The following TAOK2 variants were observed in gnomAD, a reference collection of about 807,000 sequenced individuals.
TAOK2 encodes serine/threonine-protein kinase TAO2.
In TAOK2, 42 loss-of-function variants were observed where a neutral mutation model predicts 122.5. The ratio of observed to expected loss-of-function variants is 0.34; its 90% CI spans 0.27 to 0.44. The LOEUF (loss-of-function observed/expected upper bound fraction) is 0.44, where lower values mean the gene tolerates loss of function less well. Ranked by LOEUF, TAOK2 falls within the 20% of genes least tolerant of loss-of-function variation. The pLI is 1.00. For missense variants in TAOK2, 1,264 were observed against 1,644.9 expected, an observed-to-expected ratio of 0.77 and a Z score of 4.01; for synonymous variants, 704 against 677.6, an observed-to-expected ratio of 1.04 and a Z score of -0.61.
At chr16:29,990,194 C>G, downstream of TAOK2, 1 of 211,602 alleles carries the variant, frequency 4.7e-6, no homozygotes, top group South Asian at 8.1e-5. Context: ...AAAAAATGAT[C>G]ACACCTAACA....
chr16:29,975,473 A>G (rs903133756), intron 1 of TAOK2, among the ~76,000 whole-genome samples: 1 of 152,170 alleles, frequency 6.6e-6, no homozygotes, highest in East Asian at 1.9e-4. Flanking sequence ...GGGCTCGGCC[A>G]GGGGTCCCTA....
Position 29,987,653 on chromosome 16 carries a change from G to T in TAOK2, c.3381G>T (p.Leu1127=). Residue 1127 remains leucine (L), a synonymous_variant, in exon 16 of 16, where the codon CTG becomes CTT. Coordinates refer to ENST00000308893, the MANE Select transcript of TAOK2 (RefSeq NM_016151.4). ...KTNKDGFRSR[L]PVPGPRRRNP... ...ACAAGGATGGCTTCCGCAGCCGCCT[G>T]CCCGTCCCTGGGCCCCGGCGGCGTA... is the stretch of plus-strand genomic sequence containing the variant. 6.2e-7 allele frequency: 1 copy of T among 1,613,698 alleles called. No homozygotes were observed. Among genetic ancestry groups the T allele is most frequent in the Non-Finnish European group, 8.5e-7 (1 of 1,179,734 alleles).
At position 29,979,588 on chromosome 16, in the gene TAOK2, C is replaced by G. The variant is rs1409042931; in HGVS notation, c.655+80C>G. 1 of 1,185,524 alleles carries G rather than the reference C, an allele frequency of 8.4e-7. No homozygotes were observed. The highest frequency in any genetic ancestry group is 1.2e-6 in the Non-Finnish European group (1 of 867,430). The allele number at this position is 1,185,524 out of a possible 1,614,324, so 73.4% of individuals were successfully genotyped here. The stretch of plus-strand genomic sequence containing the variant: ...CCCAGACTCCGGACTACCCCCTTCT[C>G]CTAGGGATGGGATCCCAGGCCTCCA... On this transcript the variant is annotated intron_variant, in intron 8 of 15. Transcript: ENST00000308893. The surrounding 1 kb of genome is among the most constrained non-coding windows in gnomAD (Gnocchi z 4.1).
Position 29,983,605 on chromosome 16 carries a change from C to T in TAOK2, c.1363C>T (p.Arg455Cys), listed in dbSNP as rs771174306. 16 of 1,613,672 alleles carry T rather than the reference C, an allele frequency of 9.9e-6. No individual in the cohort carries two copies. Among genetic ancestry groups the T allele is most frequent in the African/African-American group, 4.0e-5 (3 of 74,928 alleles). Residue 455 changes from arginine to cysteine, a missense_variant, in exon 13 of 16, where the codon CGC (arginine) becomes TGC (cysteine). By Grantham distance (180) the Arg-to-Cys change is radical. Transcript: ENST00000308893. Reference sequence around the variant, plus strand: ...TCCCACTTCCACCACCTCTTCCGCCCGCCGCCGGGCCTACTGCCGTAACCG... The same window carrying T: ...TCCCACTTCCACCACCTCTTCCGCCTGCCGCCGGGCCTACTGCCGTAACCG... ...PAPTSTTSSARRRAYCRNRDH... is the reference protein window; with the variant it reads ...PAPTSTTSSACRRAYCRNRDH...
chr16:29,982,802 C>T lies in TAOK2; in HGVS notation c.900C>T (p.Ala300=), dbSNP rs145019528. 4.3e-5 allele frequency: 70 copies of T among 1,613,984 alleles called. No individual in the cohort carries two copies. Among genetic ancestry groups the T allele is most frequent in the African/African-American group, 3.9e-4 (29 of 74,984 alleles). The change falls in exon 11 of 16, where the codon GCC becomes GCT. Residue 300 remains alanine (A), a synonymous_variant. Transcript: ENST00000308893. ...ACCTGATCCAGAGGACCAAGGATGC[C>T]GTGCGGGAGCTGGACAACCTGCAGT... The part of the protein sequence containing the change: ...IMDLIQRTKD[A]VRELDNLQYR...
chr16:29,989,380 T>C, downstream of TAOK2: 2 of 985,036 alleles, frequency 2.0e-6, no homozygotes, highest in Non-Finnish European at 2.4e-6. Context: ...CGATCCCACC[T>C]CTCCATGTCT....
chr16:29,988,447 C>G, downstream of TAOK2: 4 of 1,258,030 alleles, frequency 3.2e-6, no homozygotes, highest in Non-Finnish European at 4.1e-6. Flanking sequence ...GCCTAGCCTC[C>G]CCGGTATGCC....
At position 29,985,324 on chromosome 16, in the gene TAOK2, C is replaced by T. The variant is rs1246992068; in HGVS notation, c.1534C>T (p.Arg512Trp). 5 of 1,610,350 alleles carry T rather than the reference C, an allele frequency of 3.1e-6. No individual in the cohort carries two copies. The highest frequency in any genetic ancestry group is 4.2e-6 in the Non-Finnish European group (5 of 1,177,700). The change falls in exon 14 of 16, where the codon CGG (arginine) becomes TGG (tryptophan). Residue 512 changes from arginine (R) to tryptophan (W), a missense_variant. By Grantham distance (101) the Arg-to-Trp change is moderately radical. This residue lies in a region of TAOK2 where 64 missense variants were observed against 115.7 expected (regional missense o/e 0.55). Coordinates refer to ENST00000308893, the MANE Select transcript of TAOK2 (RefSeq NM_016151.4). The surrounding 1 kb of genome is among the most constrained non-coding windows in gnomAD (Gnocchi z 6.9). Reference protein sequence around the residue: ...HQKQLLALESRLRGEREEHSA... With the variant: ...HQKQLLALESWLRGEREEHSA... ...GAAGCAGCTGCTGGCCCTGGAGTCACGGCTGAGGGGTGAACGGGAGGAGCA... is the reference window on the plus strand; with the variant it reads ...GAAGCAGCTGCTGGCCCTGGAGTCATGGCTGAGGGGTGAACGGGAGGAGCA...
chr16:29,989,480 C>T (rs971376592), downstream of TAOK2: 37 of 1,537,336 alleles, frequency 2.4e-5, no homozygotes, highest in Non-Finnish European at 2.8e-5. Context: ...GTCTCCTCTC[C>T]TCTTCTCTCT....
At chr16:29,977,982 A>G (rs572060094) in intron 2 of TAOK2, 78 bp downstream of exon 2, 2 of 1,612,148 alleles carry the variant, frequency 1.2e-6, no homozygotes, top group Admixed American at 1.7e-5. Context: ...GCCCTTGCAC[A>G]CTACTCCATC....
At chr16:29,989,205 C>T (rs2150909281), downstream of TAOK2, 1 of 985,322 alleles carries the variant, frequency 1.0e-6, no homozygotes, top group South Asian at 4.7e-5. Flanking sequence ...GTCACAGTCT[C>T]TCCCTCTTTG....
downstream of TAOK2, chr16:29,991,477 G>C (rs557683834): frequency 2.0e-6 from 3 of 1,486,042 alleles, no homozygotes; most frequent in Non-Finnish European, 2.7e-6. This position sits in a 1 kb window ranked among gnomAD's most constrained non-coding sequence, Gnocchi z 5.6. Flanking sequence ...GAGAATGTGG[G>C]CCCCCCTGCT....
intron 1 of TAOK2, among the ~76,000 whole-genome samples, chr16:29,976,370 G>T (rs772526459): frequency 6.6e-6 from 1 of 152,208 alleles, no homozygotes; most frequent in Non-Finnish European, 1.5e-5. Context: ...CACCCTGGGG[G>T]CCCACTGGAG....
chr16:29,987,788 G>A lies in TAOK2; in HGVS notation c.3516G>A (p.Leu1172=). Residue 1172 remains leucine (L), a synonymous_variant, in exon 16 of 16, where the codon TTG becomes TTA. Transcript: ENST00000308893. ...ARASQGLASH[L]PPWAIHTLAS... The stretch of plus-strand genomic sequence containing the variant: ...CCAGCCAGGGTTTAGCATCCCACTT[G>A]CCCCCGTGGGCCATCCACACACTGG... 1.2e-6 allele frequency: 2 copies of A among 1,613,830 alleles called. No individual in the cohort carries two copies. The highest frequency in any genetic ancestry group is 1.7e-6 in the Non-Finnish European group (2 of 1,179,892).
downstream of TAOK2, chr16:29,991,495 T>A: frequency 6.8e-7 from 1 of 1,476,832 alleles, no homozygotes; most frequent in Non-Finnish European, 9.0e-7. The surrounding 1 kb of genome is among the most constrained non-coding windows in gnomAD (Gnocchi z 5.6). Flanking sequence ...GCTGCCGCGG[T>A]GCCCGGGCCC....
rs761030327 is a variant in TAOK2 at position 29,986,595 on chromosome 16, C to T, written c.2323C>T (p.Pro775Ser). Residue 775 changes from proline (P) to serine (S), a missense_variant, in exon 16 of 16, where the codon CCC (proline) becomes TCC (serine). Transcript: ENST00000308893. This position sits in a 1 kb window ranked among gnomAD's most constrained non-coding sequence, Gnocchi z 4.2. ...CACAGGCACCCCTATAGAACAGCAGCCCTGCTCACCTGGCCAGGAGGCAGT... is the reference window on the plus strand; with the variant it reads ...CACAGGCACCCCTATAGAACAGCAGTCCTGCTCACCTGGCCAGGAGGCAGT... ...PNTGTPIEQQ[P>S]CSPGQEAVLD... 1.2e-6 allele frequency: 2 copies of T among 1,613,378 alleles called. No homozygotes were observed. The highest frequency in any genetic ancestry group is 3.3e-5 in the Admixed American group (2 of 59,864).
downstream of TAOK2, chr16:29,991,455 G>A (rs1412699489): frequency 2.0e-6 from 3 of 1,501,148 alleles, no homozygotes; most frequent in East Asian, 2.5e-5. This position sits in a 1 kb window ranked among gnomAD's most constrained non-coding sequence, Gnocchi z 5.6. Flanking sequence ...AGCCTCGGGG[G>A]GCAGTGGCAG....
Position 29,983,321 on chromosome 16 carries a change from C to T in TAOK2, c.1249C>T (p.His417Tyr). 1.3e-6 allele frequency: 2 copies of T among 1,597,434 alleles called. No individual in the cohort carries two copies. The highest frequency in any genetic ancestry group is 1.7e-6 in the Non-Finnish European group (2 of 1,176,952). Residue 417 changes from histidine (H) to tyrosine (Y), a missense_variant, in exon 12 of 16, where the codon CAC becomes TAC. Around this residue, in one of 4 missense-constraint regions of TAOK2, gnomAD observed 122 missense variants for 116.7 expected, o/e 1.04. Transcript: ENST00000308893. ...HTVTSHSSIIHRLPGSDNLYD... is the reference protein window; with the variant it reads ...HTVTSHSSIIYRLPGSDNLYD... ...AGTCACCTCTCACAGCTCCATTATC[C>T]ACCGGCTGCCGGTACACAGCTCACC...
At chr16:29,982,038 A>C in intron 10 of TAOK2, 98 bp downstream of exon 10, 1 of 1,016,498 alleles carries the variant, frequency 9.8e-7, no homozygotes, top group Non-Finnish European at 1.5e-6. Context: ...CTCCTCCACC[A>C]AGAGCTTCGT....
Sources: gnomAD v4.1 joint callset for allele counts (sites outside exome capture counted in the v4.1 genomes callset) on GRCh38, gnomAD v4.1.1 for gene constraint, gnomAD v4.1.1 regional missense constraint, Gnocchi (gnomAD v3.1) non-coding constraint, MANE v1.5 for transcripts, NCBI Gene and HGNC (gene_info 2026-07-23, HGNC 2026-07-21) for gene names.